The following RGS12 variants were observed in gnomAD, a reference collection of about 807,000 sequenced individuals.
RGS12 encodes regulator of G protein signaling 12.
A neutral mutation model predicts 120.1 loss-of-function variants in RGS12; 66 were observed. The observed-to-expected ratio is 0.55, with a 90% CI of 0.45 to 0.67. RGS12 has a LOEUF of 0.67. Ranked by LOEUF, RGS12 falls within the 30% of genes least tolerant of loss-of-function variation. RGS12 has a pLI of 0.00. For missense variants in RGS12, 1,859 were observed against 1,957.7 expected, an observed-to-expected ratio of 0.95 and a Z score of 0.95; for synonymous variants, 827 against 804.7, an observed-to-expected ratio of 1.03 and a Z score of -0.47.
chr4:3,354,211 G>A (rs1449207254), intron 3 of RGS12, among the ~76,000 whole-genome samples: 3 of 152,110 alleles, frequency 2.0e-5, no homozygotes, highest in African/African-American at 4.8e-5. Flanking sequence ...TTTTCCTCCC[G>A]CAACATGGGA....
At chr4:3,340,791 C>T (rs1490654354) in intron 2 of RGS12, among the ~76,000 whole-genome samples, 2 of 152,198 alleles carry the variant, frequency 1.3e-5, no homozygotes, top group Non-Finnish European at 2.9e-5. Context: ...CCAGTGCAGT[C>T]CGTTCTCCAG....
In RGS12 at chr4:3,351,540, G is replaced by C. The variant is rs891010710; in HGVS notation, c.1998+8487G>C. ...TTTGGCATAATTTATAAAGCCATTA[G>C]TTTGAAAGCCCTTTAACACTTAAAA... On this transcript the variant is annotated intron_variant, in intron 3 of 17. Transcript: ENST00000336727. Among the ~76,000 whole-genome samples, 130 of 152,260 alleles carry C rather than the reference G, an allele frequency of 8.5e-4. 1 individual carries two copies. Among genetic ancestry groups the C allele is most frequent in the African/African-American group, 3.0e-3 (125 of 41,558 alleles).
At chr4:3,321,283 CTG>C (rs1383405121) in intron 2 of RGS12, among the ~76,000 whole-genome samples, 1 of 152,182 alleles carries the variant, frequency 6.6e-6, no homozygotes, top group Non-Finnish European at 1.5e-5. Flanking sequence ...TCTGACAGGA[CTG>C]TGAGTCCATC....
chr4:3,351,008 A>G (rs1714305112), intron 3 of RGS12, among the ~76,000 whole-genome samples: 1 of 151,954 alleles, frequency 6.6e-6, no homozygotes, highest in African/African-American at 2.4e-5. Flanking sequence ...ATTTTTGACA[A>G]AACGGAACTT....
At position 3,400,679 on chromosome 4, in the gene RGS12, T is replaced by C. The variant is rs943623336; in HGVS notation, c.2021-13393T>C. ...CTACTAGCTAGTATTACTATTAGAA[T>C]TAGTATTAGTATTAGTAATACTAAT... On this transcript the variant is annotated intron_variant, in intron 4 of 17. Transcript: ENST00000336727. Among the ~76,000 whole-genome samples the C allele has an allele frequency of 4.0e-5, 6 of 149,160 alleles. No individual in the cohort carries two copies. The East Asian group carries it at 1.2e-3, about 29-fold the overall frequency.
At chr4:3,312,382 A>G (rs1451632589) in intron 1 of RGS12, 1 of 172,370 alleles carries the variant, frequency 5.8e-6, no homozygotes, top group African/African-American at 2.4e-5. Flanking sequence ...ACATTAGCCA[A>G]GGTTCACTGG....
chr4:3,420,347 A>T (rs922995311), intron 9 of RGS12: 1 of 505,800 alleles, frequency 2.0e-6, no homozygotes, highest in African/African-American at 1.9e-5. Context: ...TTTGTTGGGC[A>T]CCTGCCATGA....
chr4:3,383,364 T>A (rs184278073), intron 3 of RGS12, among the ~76,000 whole-genome samples: 2 of 152,238 alleles, frequency 1.3e-5, no homozygotes, highest in Non-Finnish European at 2.9e-5. Context: ...CCTAGCACTT[T>A]GAGAGGTCAA....
chr4:3,431,518 GCT>G (rs2109241592), intron 17 of RGS12: 1 of 986,644 alleles, frequency 1.0e-6, no homozygotes, highest in South Asian at 4.7e-5. Context: ...CGTCAGCAGC[GCT>G]CTCTGACCGC....
Position 3,422,549 on chromosome 4 carries a change from C to T in RGS12, c.3012C>T (p.Leu1004=). The T allele has an allele frequency of 1.9e-6, 3 of 1,612,504 alleles. No homozygotes were observed. The South Asian group carries it at 3.3e-5, about 18-fold the overall frequency. Residue 1004 remains leucine (L), a synonymous_variant, in exon 11 of 18, where the codon CTC becomes CTT. Coordinates refer to ENST00000336727, the MANE Select transcript of RGS12 (RefSeq NM_001394154.1). The stretch of plus-strand genomic sequence containing the variant: ...GCATCAACGGGGCGGCCGCGGACCT[C>T]TTCCTGGTGGGCGGGGACAAGGTAC... ...RHGINGAAAD[L]FLVGGDKPLV...
intron 4 of RGS12, among the ~76,000 whole-genome samples, chr4:3,401,409 C>T (rs934874395): frequency 5.9e-5 from 9 of 152,220 alleles, no homozygotes; most frequent in African/African-American, 1.7e-4. Context: ...CTTAGTCAGA[C>T]GATGTTATTG....
Position 3,428,076 on chromosome 4 carries a change from TTTC to T in RGS12, c.3332-11_3332-9del, listed in dbSNP as rs748361782. The T allele has an allele frequency of 6.2e-7, 1 of 1,611,792 alleles. No individual in the cohort carries two copies. The highest frequency in any genetic ancestry group is 1.7e-5 in the Admixed American group (1 of 60,018). ...TTGCGAGTCCCTGAAGTCATAAAGC[TTTC>T]TTATGTTTAGCATCCGCAGATAAAC... On this transcript the variant is annotated splice_polypyrimidine_tract_variant and intron_variant, in intron 14 of 17. Coordinates refer to ENST00000336727, the MANE Select transcript of RGS12 (RefSeq NM_001394154.1).
intron 17 of RGS12, among the ~76,000 whole-genome samples, chr4:3,435,270 C>A (rs891675459): frequency 1.3e-5 from 2 of 152,140 alleles, no homozygotes; most frequent in Non-Finnish European, 2.9e-5. Flanking sequence ...GAAAGTACCC[C>A]CCATGGCATG....
intron 3 of RGS12, among the ~76,000 whole-genome samples, chr4:3,357,805 C>G (rs1218314203): frequency 6.6e-6 from 1 of 152,080 alleles, no homozygotes; most frequent in Non-Finnish European, 1.5e-5. Context: ...TAGCTTTGTT[C>G]TTCTTTTTCA....
chr4:3,417,973 G>A (rs548903189), intron 9 of RGS12: 124 of 164,326 alleles, frequency 7.5e-4, no homozygotes, highest in Admixed American at 2.5e-3. Context: ...TCTCTGCCAG[G>A]GCTTTTTCCT....
intron 1 of RGS12, among the ~76,000 whole-genome samples, chr4:3,311,832 A>C (rs1724418748): frequency 6.6e-6 from 1 of 152,194 alleles, no homozygotes; most frequent in Non-Finnish European, 1.5e-5. Flanking sequence ...ATCTCTTCTA[A>C]GGGACACTCA....
At chr4:3,363,326 G>A (rs545573275) in intron 3 of RGS12, among the ~76,000 whole-genome samples, 8 of 152,212 alleles carry the variant, frequency 5.3e-5, no homozygotes, top group African/African-American at 1.4e-4. Context: ...TATTGTTTCC[G>A]TCATCAAAGA....
At chr4:3,425,623 T>TGTGGCGTTGGC (rs1723533016) in intron 14 of RGS12, 63 bp downstream of exon 14, 2 of 1,191,706 alleles carry the variant, frequency 1.7e-6, no homozygotes, top group Admixed American at 2.0e-5. Context: ...GGGAGGGGGC[T>TGTGGCGTTGGC]ATGGAGCCGG....
chr4:3,432,533 G>A (rs939638943), intron 17 of RGS12, among the ~76,000 whole-genome samples: 26 of 152,228 alleles, frequency 1.7e-4, no homozygotes, highest in Non-Finnish European at 4.4e-5. Context: ...GGCTGCCTGG[G>A]AGGGCCAGAC....
Sources: allele counts gnomAD v4.1 joint callset (sites outside exome capture counted in the v4.1 genomes callset), GRCh38; gene constraint gnomAD v4.1.1; transcripts MANE v1.5; gene names NCBI Gene and HGNC (gene_info 2026-07-23, HGNC 2026-07-21).